RPS6KA2: variants seen among roughly 807,000 people sequenced by gnomAD.
RPS6KA2 encodes ribosomal protein S6 kinase alpha-2.
RPS6KA2 carries 42 observed loss-of-function variants against 91.8 expected under a neutral mutation model. The observed-to-expected ratio is 0.46, with a 90% confidence interval of 0.36 to 0.59. The LOEUF is 0.59. Ranked by LOEUF, RPS6KA2 falls within the 20% of genes least tolerant of loss-of-function variation. The pLI is 0.00. For missense variants in RPS6KA2, 798 were observed against 978.5 expected, an observed-to-expected ratio of 0.82 and a Z score of 2.46; for synonymous variants, 414 against 393.6, an observed-to-expected ratio of 1.05 and a Z score of -0.61.
At chr6:166,510,544 TTC>T (rs71771753) in intron 3 of RPS6KA2, among the ~76,000 whole-genome samples, 187 bp from the exon 4 acceptor site, 2,123 of 81,100 alleles carry the variant, frequency 0.026, 190 homozygotes, top group African/African-American at 0.1. Flanking sequence ...TACATTTGCT[TTC>T]TCTCTCTCAT....
intron 1 of RPS6KA2, among the ~76,000 whole-genome samples, chr6:166,587,644 G>A (rs1785220960): frequency 7.1e-6 from 1 of 140,340 alleles, no homozygotes; most frequent in South Asian, 2.2e-4. Context: ...AAAAAAAAAA[G>A]CAAACCAGCA....
intron 2 of RPS6KA2, chr6:166,757,597 G>A (rs1004424896): frequency 2.2e-5 from 10 of 455,792 alleles, no homozygotes; most frequent in South Asian, 3.1e-5. Flanking sequence ...CCCAGGTCCC[G>A]GGGGCCGGGC....
chr6:166,518,251 CAAAAAAA>C (rs11373431), intron 3 of RPS6KA2, among the ~76,000 whole-genome samples: 1 of 87,314 alleles, frequency 1.1e-5, no homozygotes, highest in Non-Finnish European at 2.1e-5. Context: ...AACACTGCCT[CAAAAAAA>C]AAAAAAAAAA....
At chr6:166,766,799 T>C (rs893820763) in intron 2 of RPS6KA2, among the ~76,000 whole-genome samples, 2 of 152,246 alleles carry the variant, frequency 1.3e-5, no homozygotes, top group South Asian at 2.1e-4. Context: ...TGTTTGGGGC[T>C]GGAACGCAGA....
intron 2 of RPS6KA2, among the ~76,000 whole-genome samples, chr6:166,799,414 T>C (rs1238142766): frequency 6.6e-6 from 1 of 152,228 alleles, no homozygotes; most frequent in African/African-American, 2.4e-5. Flanking sequence ...ACATTCAATT[T>C]ATATACAGAT....
Position 166,437,030 on chromosome 6 carries a change from A to AAT in RPS6KA2, c.1333-4541_1333-4540insAT, listed in dbSNP as rs1253715886. On this transcript the variant is annotated intron_variant, in intron 14 of 20. Transcript: ENST00000265678. The surrounding 1 kb of genome is among the most constrained non-coding windows in gnomAD (Gnocchi z 4.3). ...CCCTGTAACTTTTTCTGAAAAAAAAATTTTTTTTTTTTGCTTTTGTTTTTA... is the reference window on the plus strand; with the variant it reads ...CCCTGTAACTTTTTCTGAAAAAAAAAATTTTTTTTTTTTTGCTTTTGTTTTTA... Among the ~76,000 whole-genome samples, 1 of 147,434 alleles carries AAT rather than the reference A, an allele frequency of 6.8e-6. No homozygotes were observed. Among genetic ancestry groups the AAT allele is most frequent in the African/African-American group, 2.5e-5 (1 of 40,450 alleles).
intron 2 of RPS6KA2, among the ~76,000 whole-genome samples, chr6:166,645,089 T>C (rs1390408013): frequency 1.3e-5 from 2 of 152,212 alleles, no homozygotes; most frequent in Non-Finnish European, 2.9e-5. Flanking sequence ...CAAGTTCCTA[T>C]TATTTTAAAC....
intron 15 of RPS6KA2, 104 bp from the exon 16 acceptor site, chr6:166,430,715 G>A: frequency 8.2e-7 from 1 of 1,224,354 alleles, no homozygotes; most frequent in Non-Finnish European, 1.1e-6. Context: ...GAGAGGCTGG[G>A]ACCACAGGGT....
rs146810257 is a variant in RPS6KA2, at chr6:166,597,889, G to A, written c.99+29032C>T. Among the ~76,000 whole-genome samples the A allele has an allele frequency of 1.9e-3, 290 of 152,284 alleles. 1 individual carries two copies. Among genetic ancestry groups the A allele is most frequent in the African/African-American group, 6.6e-3 (274 of 41,554 alleles). ...GGTGTGCCAGCCCCAGCCGGGCACC[G>A]TGCTATTGTTGGTTTTCATCACCCA... On this transcript the variant is annotated intron_variant, in intron 1 of 20. Coordinates refer to ENST00000265678, the MANE Select transcript of RPS6KA2 (RefSeq NM_021135.6).
At chr6:166,430,396 T>G in intron 16 of RPS6KA2, 57 bp downstream of exon 16, 1 of 1,515,626 alleles carries the variant, frequency 6.6e-7, no homozygotes, top group East Asian at 2.3e-5. Flanking sequence ...CTTGTGGTTT[T>G]GGTTCCTGCC....
intron 2 of RPS6KA2, among the ~76,000 whole-genome samples, chr6:166,738,916 T>C (rs868116386): frequency 2.6e-5 from 4 of 152,166 alleles, no homozygotes; most frequent in Non-Finnish European, 4.4e-5. Flanking sequence ...ACAGCAAATA[T>C]GTAGTTACAG....
At chr6:166,727,665 C>T (rs1433425385) in intron 2 of RPS6KA2, among the ~76,000 whole-genome samples, 1 of 152,160 alleles carries the variant, frequency 6.6e-6, no homozygotes, top group Non-Finnish European at 1.5e-5. Context: ...TATCAGCGCC[C>T]TAAAGCACCA....
chr6:166,632,611 C>CAAAAA (rs34051695), intron 2 of RPS6KA2, among the ~76,000 whole-genome samples: 1 of 119,448 alleles, frequency 8.4e-6, no homozygotes, highest in Non-Finnish European at 1.8e-5. Context: ...AACTCCATCT[C>CAAAAA]AAAAAAAAAA....
At chr6:166,847,281 C>T (rs1194641630) in intron 2 of RPS6KA2, among the ~76,000 whole-genome samples, 2 of 152,086 alleles carry the variant, frequency 1.3e-5, no homozygotes, top group Non-Finnish European at 2.9e-5. Flanking sequence ...AATGGAAACA[C>T]ATTCCATGTT....
chr6:166,603,977 C>T lies in RPS6KA2; in HGVS notation c.99+22944G>A, dbSNP rs1785845175. ...CTCCAACTCGTCCTAACGTGTCCCT[C>T]CTAGAAGTCACGAAGAGAAAAGGGC... is the stretch of plus-strand genomic sequence containing the variant. On this transcript the variant is annotated intron_variant, in intron 1 of 20. Transcript: ENST00000265678. The surrounding 1 kb of genome is among the most constrained non-coding windows in gnomAD (Gnocchi z 4.3). Among the ~76,000 whole-genome samples, 1 of 152,052 alleles carries T rather than the reference C, an allele frequency of 6.6e-6. No individual in the cohort carries two copies. Among genetic ancestry groups the T allele is most frequent in the African/African-American group, 2.4e-5 (1 of 41,388 alleles).
rs1779230236 is a variant in RPS6KA2 at position 166,434,450 on chromosome 6, G to T, written c.1333-1960C>A. On this transcript the variant is annotated intron_variant, in intron 14 of 20. Coordinates refer to ENST00000265678, the MANE Select transcript of RPS6KA2 (RefSeq NM_021135.6). The surrounding 1 kb of genome is among the most constrained non-coding windows in gnomAD (Gnocchi z 4.4). ...TAAAACGATCATTCAAGGAGGGGTG[G>T]GGGACTTTCCCTAACATGCCACAGC... Among the ~76,000 whole-genome samples the T allele has an allele frequency of 6.6e-6, 1 of 152,122 alleles. No individual in the cohort carries two copies. The highest frequency in any genetic ancestry group is 2.1e-4 in the South Asian group (1 of 4,824).
Position 166,748,378 on chromosome 6 carries a change from G to A in RPS6KA2, c.123+109822C>T, listed in dbSNP as rs183346078. On this transcript the variant is annotated intron_variant, in intron 2 of 21. Coordinates refer to the RPS6KA2 transcript ENST00000503859. ...GGGTGTTTCTGCGGTGTCTTCCACC[G>A]GCAGAAACTCCACCGAGTGCCTCAG... 2.5e-4 allele frequency among the ~76,000 whole-genome samples: 38 copies of A among 152,216 alleles called. No individual in the cohort carries two copies. The East Asian group carries it at 6.4e-3, about 26-fold the overall frequency.
At chr6:166,565,733 G>T (rs532941930) in intron 1 of RPS6KA2, among the ~76,000 whole-genome samples, 4 of 152,346 alleles carry the variant, frequency 2.6e-5, no homozygotes, top group East Asian at 3.9e-4. Flanking sequence ...CCTGGACCTG[G>T]GGCCTGTGGC....
At chr6:166,414,982 T>A (rs1162038942) in intron 19 of RPS6KA2, among the ~76,000 whole-genome samples, 1 of 152,194 alleles carries the variant, frequency 6.6e-6, no homozygotes, top group Non-Finnish European at 1.5e-5. Context: ...GGAGAATCAC[T>A]TGAGCCCAGG....
Sources: gnomAD v4.1 joint callset for allele counts (sites outside exome capture counted in the v4.1 genomes callset) on GRCh38, gnomAD v4.1.1 for gene constraint, Gnocchi (gnomAD v3.1) non-coding constraint, MANE v1.5 for transcripts, NCBI Gene and HGNC (gene_info 2026-07-23, HGNC 2026-07-21) for gene names.